The following CORIN variants were observed in gnomAD, a reference collection of about 807,000 sequenced individuals.
CORIN encodes the protein atrial natriuretic peptide-converting enzyme.
Under a neutral mutation model 125.3 loss-of-function variants are expected in CORIN, and 117 were observed. The ratio of observed to expected loss-of-function variants is 0.93; its 90% CI spans 0.80 to 1.09. The LOEUF (loss-of-function observed/expected upper bound fraction) is 1.09. Among genes scored for constraint, CORIN ranks in the 50% least tolerant of loss-of-function variants. The pLI is 0.00. For synonymous variants in CORIN, 450 were observed against 466.4 expected (o/e 0.96, Z 0.45); for missense variants, 1,253 against 1,306.7 (o/e 0.96, Z 0.63).
At chr4:47,682,945 T>C (rs1484398212) in intron 7 of CORIN, 1 of 152,222 alleles carries the variant, frequency 6.6e-6, no homozygotes, top group Non-Finnish European at 1.5e-5. Flanking sequence ...TGCCTTCCTC[T>C]GACCATACCG....
At chr4:47,800,686 C>A (rs902735616) in intron 2 of CORIN, among the ~76,000 whole-genome samples, 2 of 152,126 alleles carry the variant, frequency 1.3e-5, no homozygotes, top group African/African-American at 4.8e-5. Context: ...TGAGAGCAGG[C>A]CACAGTTGAC....
intron 5 of CORIN, among the ~76,000 whole-genome samples, chr4:47,721,505 G>T (rs918947176): frequency 6.6e-6 from 1 of 152,168 alleles, no homozygotes; most frequent in East Asian, 1.9e-4. Context: ...CTGACCTCAG[G>T]TGATCTGCCC....
intron 10 of CORIN, among the ~76,000 whole-genome samples, chr4:47,667,411 T>C (rs1724529033): frequency 6.6e-6 from 1 of 152,190 alleles, no homozygotes; most frequent in African/African-American, 2.4e-5. Flanking sequence ...ATATGCCACA[T>C]TCCCTGTGTG....
At chr4:47,775,447 C>G (rs1730254288) in intron 3 of CORIN, among the ~76,000 whole-genome samples, 1 of 152,104 alleles carries the variant, frequency 6.6e-6, no homozygotes, top group East Asian at 1.9e-4. Flanking sequence ...CAATTCCCAC[C>G]TATGAGTGAG....
chr4:47,809,993 C>G (rs1236275309), intron 1 of CORIN, among the ~76,000 whole-genome samples: 1 of 152,210 alleles, frequency 6.6e-6, no homozygotes, highest in South Asian at 2.1e-4. Flanking sequence ...CAAATGGCAT[C>G]CCTCTTCCAC....
At chr4:47,783,788 C>A (rs1443889936) in intron 3 of CORIN, among the ~76,000 whole-genome samples, 1 of 151,942 alleles carries the variant, frequency 6.6e-6, no homozygotes, top group Non-Finnish European at 1.5e-5. Flanking sequence ...AGTGATAAAT[C>A]ATATATTAAA....
intron 3 of CORIN, among the ~76,000 whole-genome samples, chr4:47,764,450 C>T (rs564098721): frequency 2.6e-5 from 4 of 152,300 alleles, no homozygotes; most frequent in East Asian, 3.9e-4. Flanking sequence ...GAATCGACCA[C>T]ATTTTCTTTT....
chr4:47,812,521 A>G (rs1577945007), intron 1 of CORIN, among the ~76,000 whole-genome samples: 1 of 152,240 alleles, frequency 6.6e-6, no homozygotes, highest in East Asian at 1.9e-4. Context: ...ATAAATAAAT[A>G]AATACTATAT....
At chr4:47,784,523 CAT>C (rs2109912752) in intron 3 of CORIN, among the ~76,000 whole-genome samples, 1 of 152,326 alleles carries the variant, frequency 6.6e-6, no homozygotes, top group Admixed American at 6.5e-5. Context: ...ACAACAGCCA[CAT>C]GTTTCTTTAC....
intron 1 of CORIN, among the ~76,000 whole-genome samples, chr4:47,823,081 G>C (rs982176683): frequency 3.3e-5 from 5 of 152,116 alleles, no homozygotes; most frequent in Non-Finnish European, 5.9e-5. Flanking sequence ...CCAAAGTGCT[G>C]GGATTACAGG....
intron 16 of CORIN, among the ~76,000 whole-genome samples, chr4:47,634,259 G>T (rs1179479490): frequency 2.0e-5 from 3 of 152,132 alleles, no homozygotes; most frequent in African/African-American, 7.2e-5. Flanking sequence ...CAAGCCAAAG[G>T]ACTGGTTGCC....
chr4:47,768,134 C>T (rs1219290998), intron 3 of CORIN, among the ~76,000 whole-genome samples: 2 of 152,174 alleles, frequency 1.3e-5, no homozygotes, highest in African/African-American at 4.8e-5. Context: ...CCCATCCCTG[C>T]CCTCTGGAGA....
rs762998288 is a variant in CORIN, at chr4:47,680,123, C to T, written c.1132+18G>A. On this transcript the variant is annotated intron_variant, in intron 8 of 21. Coordinates refer to ENST00000273857, the MANE Select transcript of CORIN (RefSeq NM_006587.4). ...GAAATGGAAAAATAAGCAAAACAAA[C>T]GTCCTCAGAGCACTCACAGCAGTTG... 24 of 1,543,180 alleles carry T rather than the reference C, an allele frequency of 1.6e-5. No individual in the cohort carries two copies. Among genetic ancestry groups the T allele is most frequent in the African/African-American group, 4.1e-5 (3 of 73,758 alleles).
chr4:47,781,998 T>G (rs1307004069), intron 3 of CORIN, among the ~76,000 whole-genome samples: 1 of 151,816 alleles, frequency 6.6e-6, no homozygotes, highest in East Asian at 1.9e-4. Flanking sequence ...TTTATATTAA[T>G]AAAAGGTTCA....
At position 47,680,202 on chromosome 4, in the gene CORIN, G is replaced by T; in HGVS notation, c.1071C>A (p.Ala357=). 6.2e-7 allele frequency: 1 copy of T among 1,614,016 alleles called. No homozygotes were observed. The highest frequency in any genetic ancestry group is 8.5e-7 in the Non-Finnish European group (1 of 1,179,942). ...GGTCACCATCACACACCCACTCCAT[G>T]GCGATGCAGCGCCCGTCCCCGCAGC... ...EHRCGDGRCI[A]MEWVCDGDHD... is the part of the protein sequence containing the mutation. The change falls in exon 8 of 22, where the codon GCC becomes GCA. Residue 357 remains alanine (A), a synonymous_variant. Coordinates refer to ENST00000273857, the MANE Select transcript of CORIN (RefSeq NM_006587.4).
chr4:47,837,587 G>A (rs1285160407), intron 1 of CORIN: 1 of 525,706 alleles, frequency 1.9e-6, no homozygotes, highest in African/African-American at 1.9e-5. Flanking sequence ...CCCCCGGCAT[G>A]GAGACCGGGG....
intron 3 of CORIN, among the ~76,000 whole-genome samples, chr4:47,777,701 A>ATG (rs1730361378): frequency 6.6e-6 from 1 of 152,244 alleles, no homozygotes; most frequent in African/African-American, 2.4e-5. Context: ...AGAGAATAAA[A>ATG]TGTGTTAACA....
In CORIN at chr4:47,680,272, G is replaced by A. The variant is rs113359245; in HGVS notation, c.1022-21C>T. Reference sequence around the variant, plus strand: ...GCAATCTGGAGAAATGAAAACTCACGAGGATGCAGAGAACCAGCATGACTA... The same window carrying A: ...GCAATCTGGAGAAATGAAAACTCACAAGGATGCAGAGAACCAGCATGACTA... On this transcript the variant is annotated intron_variant, in intron 7 of 21. Coordinates refer to ENST00000273857, the MANE Select transcript of CORIN (RefSeq NM_006587.4). The A allele has an allele frequency of 2.2e-4, 347 of 1,555,320 alleles. 1 individual carries two copies. In the African/African-American group the frequency reaches 3.5e-3, roughly 15 times the overall value.
chr4:47,614,649 T>A (rs1025991958), intron 19 of CORIN, among the ~76,000 whole-genome samples: 3 of 152,232 alleles, frequency 2.0e-5, no homozygotes, highest in Non-Finnish European at 4.4e-5. Context: ...GTGAGATCAC[T>A]GACTCTCTGT....
Sources: allele counts gnomAD v4.1 joint callset (sites outside exome capture counted in the v4.1 genomes callset), GRCh38; gene constraint gnomAD v4.1.1; transcripts MANE v1.5; gene names NCBI Gene and HGNC (gene_info 2026-07-23, HGNC 2026-07-21).